DGKB: variants seen among roughly 807,000 people sequenced by gnomAD.
DGKB encodes 90 kDa diacylglycerol kinase.
In DGKB, 67 loss-of-function variants were observed where a neutral mutation model predicts 114.3. That is an observed-to-expected ratio of 0.59 (90% CI 0.48 to 0.72). The LOEUF (loss-of-function observed/expected upper bound fraction) is 0.72. DGKB is among the 30% of genes least tolerant of loss of function. The probability of loss-of-function intolerance (pLI) is 0.00; values close to 1 mark genes in which losing one functional copy is unlikely to be tolerated. For missense variants in DGKB, 907 were observed against 975.2 expected (o/e 0.93, Z 0.93); for synonymous variants, 398 against 323.1 (o/e 1.23, Z -2.49).
intron 21 of DGKB, among the ~76,000 whole-genome samples, chr7:14,452,644 A>T (rs181347711): frequency 6.6e-6 from 1 of 152,186 alleles, no homozygotes; most frequent in East Asian, 1.9e-4. Flanking sequence ...AAATGGGTCA[A>T]GTGAAACTGA....
At chr7:14,902,306 G>A (rs1783219756) in intron 1 of DGKB, among the ~76,000 whole-genome samples, 1 of 152,090 alleles carries the variant, frequency 6.6e-6, no homozygotes, top group East Asian at 1.9e-4. Context: ...ACCACTCTTG[G>A]AATTAAATTT....
At chr7:14,648,639 G>C (rs2128892826) in intron 13 of DGKB, among the ~76,000 whole-genome samples, 1 of 152,236 alleles carries the variant, frequency 6.6e-6, no homozygotes, top group Middle Eastern at 3.4e-3. Flanking sequence ...AACAAAGCTG[G>C]ATGGAGAATG....
At chr7:14,793,250 T>C (rs1840937110) in intron 2 of DGKB, among the ~76,000 whole-genome samples, 2 of 152,148 alleles carry the variant, frequency 1.3e-5, no homozygotes, top group Admixed American at 6.5e-5. Flanking sequence ...TTCTGTAAGA[T>C]AGAAATGTCA....
chr7:14,288,297 T>C, intron 23 of DGKB, among the ~76,000 whole-genome samples: 1 of 149,000 alleles, frequency 6.7e-6, no homozygotes, highest in East Asian at 2.0e-4. Flanking sequence ...GTTTTTTTTT[T>C]TTTTTTTTAC....
intron 21 of DGKB, among the ~76,000 whole-genome samples, chr7:14,400,412 A>G (rs1391902741): frequency 6.6e-6 from 1 of 151,828 alleles, no homozygotes; most frequent in Admixed American, 6.6e-5. Flanking sequence ...GCATTTGGAC[A>G]TATACTTGTG....
intron 23 of DGKB, among the ~76,000 whole-genome samples, chr7:14,229,879 T>C (rs896958421): frequency 7.2e-5 from 11 of 151,970 alleles, no homozygotes; most frequent in African/African-American, 2.7e-4. Context: ...AAATAAATAT[T>C]AGACAAATTT....
chr7:14,689,674 A>G (rs1050691947), intron 9 of DGKB, among the ~76,000 whole-genome samples: 1 of 152,174 alleles, frequency 6.6e-6, no homozygotes, highest in African/African-American at 2.4e-5. Context: ...AAATGACACA[A>G]TCTGGAATCT....
At chr7:14,550,018 T>G (rs1306406525) in intron 20 of DGKB, among the ~76,000 whole-genome samples, 1 of 151,968 alleles carries the variant, frequency 6.6e-6, no homozygotes, top group East Asian at 1.9e-4. Context: ...AGCCATTAGT[T>G]GCTTAATGAA....
At chr7:14,418,367 G>GTATATCT (rs1826095773) in intron 21 of DGKB, among the ~76,000 whole-genome samples, 3 of 62,326 alleles carry the variant, frequency 4.8e-5, no homozygotes, top group African/African-American at 2.1e-4. Flanking sequence ...ATATATGTGT[G>GTATATCT]TGTGTATATA....
intron 23 of DGKB, among the ~76,000 whole-genome samples, chr7:14,272,984 G>A (rs907578220): frequency 3.9e-5 from 6 of 152,096 alleles, no homozygotes; most frequent in African/African-American, 1.2e-4. Context: ...TGATATACCC[G>A]GACCAGGAAA....
At chr7:14,361,111 T>G (rs1391940182) in intron 21 of DGKB, among the ~76,000 whole-genome samples, 3 of 152,098 alleles carry the variant, frequency 2.0e-5, no homozygotes, top group Non-Finnish European at 2.9e-5. Flanking sequence ...TTCTATTCTC[T>G]GAAAATTAGT....
chr7:14,310,885 C>T (rs1805274965), intron 23 of DGKB, among the ~76,000 whole-genome samples: 1 of 152,148 alleles, frequency 6.6e-6, no homozygotes, highest in African/African-American at 2.4e-5. Flanking sequence ...GTAATCCCAG[C>T]ACTTTGGGGA....
intron 20 of DGKB, among the ~76,000 whole-genome samples, chr7:14,559,853 TTTC>T (rs1796392987): frequency 2.0e-5 from 3 of 152,056 alleles, no homozygotes; most frequent in South Asian, 2.1e-4. Flanking sequence ...CTTCAAATTA[TTTC>T]TTTTTTCTTT....
chr7:14,668,321 T>C (rs575172492), intron 13 of DGKB, among the ~76,000 whole-genome samples: 1 of 152,210 alleles, frequency 6.6e-6, no homozygotes, highest in African/African-American at 2.4e-5. Context: ...TAAAAAATGC[T>C]ACTTAGGTTT....
At chr7:14,290,805 T>G (rs1801639007) in intron 23 of DGKB, among the ~76,000 whole-genome samples, 1 of 152,052 alleles carries the variant, frequency 6.6e-6, no homozygotes, top group Non-Finnish European at 1.5e-5. Flanking sequence ...GCACCATATA[T>G]TCTGAGAGTT....
chr7:14,562,526 G>C (rs2128674399), intron 20 of DGKB, among the ~76,000 whole-genome samples: 1 of 152,330 alleles, frequency 6.6e-6, no homozygotes, highest in Middle Eastern at 3.4e-3. Flanking sequence ...ACCCTGCAAA[G>C]ACACAGAGGT....
At chr7:14,666,502 G>C (rs1042949680) in intron 13 of DGKB, among the ~76,000 whole-genome samples, 6 of 151,936 alleles carry the variant, frequency 3.9e-5, no homozygotes. Flanking sequence ...TGAGATTTCA[G>C]TGTGTTATCT....
At chr7:14,176,576 C>G in intron 25 of DGKB, 2 of 1,148,552 alleles carry the variant, frequency 1.7e-6, no homozygotes, top group Non-Finnish European at 2.2e-6. Context: ...TATAATTGAT[C>G]TATGGTTTAT....
At chr7:14,200,023 C>T (rs948865446) in intron 23 of DGKB, among the ~76,000 whole-genome samples, 9 of 151,998 alleles carry the variant, frequency 5.9e-5, no homozygotes, top group Non-Finnish European at 1.2e-4. Flanking sequence ...AGATTTCACT[C>T]CAGGTTCAGA....
Sources: allele counts gnomAD v4.1 joint callset (sites outside exome capture counted in the v4.1 genomes callset), GRCh38; gene constraint gnomAD v4.1.1; transcripts MANE v1.5; gene names NCBI Gene and HGNC (gene_info 2026-07-23, HGNC 2026-07-21).